The following TNNT3 variants were observed in gnomAD, a reference collection of about 807,000 sequenced individuals.
The protein encoded by TNNT3 is troponin T3, fast skeletal type, also known as troponin T, fast skeletal muscle.
Under a neutral mutation model 54.2 loss-of-function variants are expected in TNNT3, and 36 were observed. That is an observed-to-expected ratio of 0.66 (90% CI 0.51 to 0.88). TNNT3 has a LOEUF of 0.88. Among genes scored for constraint, TNNT3 ranks in the 40% least tolerant of loss-of-function variants. The pLI is 0.00. For missense variants in TNNT3, 291 were observed against 331.6 expected, an observed-to-expected ratio of 0.88 and a Z score of 0.95; for synonymous variants, 120 against 109.7, an observed-to-expected ratio of 1.09 and a Z score of -0.59.
rs759788819 is a variant in TNNT3 at position 1,929,103 on chromosome 11, C to T, written c.83-17C>T. 2 of 1,613,268 alleles carry T rather than the reference C, an allele frequency of 1.2e-6. No individual in the cohort carries two copies. Among genetic ancestry groups the T allele is most frequent in the Non-Finnish European group, 1.7e-6 (2 of 1,179,912 alleles). ...TTTTCTCTTGCATGTGTGCTTGTGC[C>T]TTTTGCCACCTGGAAGACACCGCAG... On this transcript the variant is annotated splice_polypyrimidine_tract_variant and intron_variant, in intron 6 of 15. Coordinates refer to ENST00000278317, the MANE Select transcript of TNNT3 (RefSeq NM_006757.4).
chr11:1,933,695 C>T (rs1165557720), intron 9 of TNNT3, 26 bp from the exon 10 acceptor site: 5 of 1,579,544 alleles, frequency 3.2e-6, no homozygotes, highest in Middle Eastern at 1.7e-4. Context: ...AGGGGTGGGG[C>T]TCACACCCAC....
Position 1,930,730 on chromosome 11 carries a change from G to A in TNNT3, c.125+902G>A, listed in dbSNP as rs10466507. ...CTCAGAAGAGTGAGAACATCTGAAG[G>A]GTACAGCCGGCGTATTCCCACCCTT... On this transcript the variant is annotated intron_variant, in intron 8 of 15. Coordinates refer to ENST00000278317, the MANE Select transcript of TNNT3 (RefSeq NM_006757.4). Among the ~76,000 whole-genome samples, 11 of 152,128 alleles carry A rather than the reference G, an allele frequency of 7.2e-5. 1 individual carries two copies. The highest frequency in any genetic ancestry group is 3.4e-3 in the Middle Eastern group (1 of 294).
intron 15 of TNNT3, 33 bp from the exon 16 acceptor site, chr11:1,938,405 G>T: frequency 6.2e-7 from 1 of 1,612,360 alleles, no homozygotes; most frequent in South Asian, 1.1e-5. Flanking sequence ...CAGAGGCCCT[G>T]ACCCTGAAGG....
intron 1 of TNNT3, among the ~76,000 whole-genome samples, chr11:1,920,379 T>C (rs73413012): frequency 0.02 from 3,032 of 152,090 alleles, 107 homozygotes; most frequent in African/African-American, 0.066. Context: ...GGACAGGGGC[T>C]GGACTGGGGC....
At position 1,926,664 on chromosome 11, in the gene TNNT3, C is replaced by T. The variant is rs765977827; in HGVS notation, c.68-31C>T. ...CACACTGGTCCTCTCTCTCTCCCGC[C>T]CTTTCTGCCACCATGACGCTGCTTC... On this transcript the variant is annotated intron_variant, in intron 5 of 15. Coordinates refer to ENST00000278317, the MANE Select transcript of TNNT3 (RefSeq NM_006757.4). 4.3e-6 allele frequency: 7 copies of T among 1,613,442 alleles called. No homozygotes were observed. In the South Asian group the frequency reaches 5.5e-5, roughly 13 times the overall value.
chr11:1,936,145 G>C (rs1401674194), intron 14 of TNNT3: 7 of 1,590,702 alleles, frequency 4.4e-6, no homozygotes, highest in Non-Finnish European at 6.0e-6. Flanking sequence ...ACCAGGCCAA[G>C]CTAGCCCACA....
intron 14 of TNNT3, chr11:1,936,088 T>A (rs934195848): frequency 1.4e-5 from 14 of 1,017,364 alleles, no homozygotes; most frequent in Non-Finnish European, 2.1e-5. Flanking sequence ...TTTGGATAGA[T>A]GCGGCCACAG....
chr11:1,934,100 T>G (rs567489524), intron 11 of TNNT3, 92 bp downstream of exon 11: 1 of 1,399,438 alleles, frequency 7.1e-7, no homozygotes, highest in African/African-American at 1.4e-5. Flanking sequence ...CTCCCGGGGT[T>G]CCCATTGTCA....
chr11:1,936,855 C>A, intron 14 of TNNT3, 108 bp from the exon 15 acceptor site: 3 of 1,183,250 alleles, frequency 2.5e-6, no homozygotes, highest in Non-Finnish European at 3.7e-6. Flanking sequence ...GGCCCAGCAG[C>A]CCTGGGTCGC....
chr11:1,923,088 A>G (rs1337718473), intron 3 of TNNT3, 27 bp downstream of exon 3: 1 of 1,613,422 alleles, frequency 6.2e-7, no homozygotes, highest in African/African-American at 1.3e-5. Context: ...TTTTCTTTCT[A>G]CTTCCTGCTC....
At position 1,934,613 on chromosome 11, in the gene TNNT3, G is replaced by T; in HGVS notation, c.548G>T (p.Arg183Leu). 5 of 1,608,496 alleles carry T rather than the reference G, an allele frequency of 3.1e-6. No individual in the cohort carries two copies. Among genetic ancestry groups the T allele is most frequent in the East Asian group, 2.2e-5 (1 of 44,486 alleles). ...EMKKKILAERRKPLNIDHLGE... is the reference protein window; with the variant it reads ...EMKKKILAERLKPLNIDHLGE... ...AAGAAGAAGATTCTGGCTGAGAGAC[G>T]CAAGCCGCTCAACATCGATCACCTT... The change falls in exon 13 of 16, where the codon CGC becomes CTC. Residue 183 changes from arginine to leucine, a missense_variant. Transcript: ENST00000278317.
rs629990 is a variant in TNNT3, at chr11:1,929,072, A to G, written c.83-48A>G. 1,299,404 of 1,610,974 alleles carry G rather than the reference A, an allele frequency of 0.81. 525,594 individuals are homozygous for G. The highest frequency in any genetic ancestry group is 0.91 in the East Asian group (40,968 of 44,850). On this transcript the variant is annotated intron_variant, in intron 6 of 15. Coordinates refer to ENST00000278317, the MANE Select transcript of TNNT3 (RefSeq NM_006757.4). ...TTGCCCACTGCTCCCCCGCAGCCGC[A>G]CTGGCTTTTCTCTTGCATGTGTGCT...
chr11:1,937,126 C>T (rs1302489799), intron 15 of TNNT3, 123 bp downstream of exon 15: 1 of 1,059,946 alleles, frequency 9.4e-7, no homozygotes, highest in Non-Finnish European at 1.4e-6. Context: ...CGAGACTAAC[C>T]CGGCCAGGCC....
intron 7 of TNNT3, 122 bp downstream of exon 7, chr11:1,929,265 C>A: frequency 1.5e-6 from 2 of 1,297,690 alleles, no homozygotes; most frequent in Non-Finnish European, 1.1e-6. Flanking sequence ...CTTTCTCTTC[C>A]CCTGGCACGG....
intron 14 of TNNT3, chr11:1,936,268 T>A (rs373297062): frequency 6.2e-7 from 1 of 1,613,496 alleles, no homozygotes; most frequent in Non-Finnish European, 8.5e-7. Flanking sequence ...AGTAGCCGGG[T>A]CCGCCCTGGG....
chr11:1,936,130 C>A, intron 14 of TNNT3: 1 of 1,509,372 alleles, frequency 6.6e-7, no homozygotes, highest in South Asian at 1.1e-5. Context: ...GCCTGGAGGG[C>A]CATCACCAGG....
chr11:1,936,888 G>A lies in TNNT3; in HGVS notation c.682-75G>A, dbSNP rs757782430. On this transcript the variant is annotated intron_variant, in intron 14 of 15. Coordinates refer to ENST00000278317, the MANE Select transcript of TNNT3 (RefSeq NM_006757.4). ...CGCGCAGCCCAGCCCACCCTGCGGT[G>A]GAGACAGGCCTTCACCCAGTACACG... is the stretch of plus-strand genomic sequence containing the variant. 30 of 1,502,814 alleles carry A rather than the reference G, an allele frequency of 2.0e-5. No homozygotes were observed. In the East Asian group the frequency reaches 4.8e-4, roughly 24 times the overall value. The allele number at this position is 1,502,814 out of a possible 1,614,324, so 93.1% of individuals were successfully genotyped here.
chr11:1,938,096 T>C (rs949207369), intron 15 of TNNT3: 18 of 365,340 alleles, frequency 4.9e-5, no homozygotes, highest in Non-Finnish European at 9.1e-5. Context: ...GCATGAGCTC[T>C]TTCAAGGCCA....
At chr11:1,922,806 A>G in intron 1 of TNNT3, 51 bp from the exon 2 acceptor site, 1 of 1,574,760 alleles carries the variant, frequency 6.4e-7, no homozygotes, top group Non-Finnish European at 8.7e-7. Context: ...GGCAGCTCGT[A>G]ACTCTCTTTC....
Sources: gnomAD v4.1 joint callset for allele counts (sites outside exome capture counted in the v4.1 genomes callset) on GRCh38, gnomAD v4.1.1 for gene constraint, MANE v1.5 for transcripts, NCBI Gene and HGNC (gene_info 2026-07-23, HGNC 2026-07-21) for gene names.